GLIS3: variants seen among roughly 807,000 people sequenced by gnomAD.
GLIS3 encodes the protein zinc finger protein GLIS3.
In GLIS3, 53 loss-of-function variants were observed where a neutral mutation model predicts 78.6. The ratio of observed to expected loss-of-function variants is 0.67; its 90% CI spans 0.54 to 0.85. The LOEUF is 0.85. Ranked by LOEUF, GLIS3 falls within the 40% of genes least tolerant of loss-of-function variation. The probability of loss-of-function intolerance (pLI) is 0.00; values close to 1 mark genes in which losing one functional copy is unlikely to be tolerated. For missense variants in GLIS3, 1,703 were observed against 1,231.1 expected (o/e 1.38, Z -5.74); for synonymous variants, 684 against 509.9 (o/e 1.34, Z -4.60).
Position 3,899,618 on chromosome 9 carries a change from T to G in GLIS3, c.1984-783A>C, listed in dbSNP as rs142072114. Among the ~76,000 whole-genome samples, 34 of 152,334 alleles carry G rather than the reference T, an allele frequency of 2.2e-4. No individual in the cohort carries two copies. In the East Asian group the frequency reaches 5.2e-3, roughly 23 times the overall value. On this transcript the variant is annotated intron_variant, in intron 6 of 10. Coordinates refer to ENST00000381971, the MANE Select transcript of GLIS3 (RefSeq NM_001042413.2). ...CCTTAAAAGCAATCTAGAAATGTAT[T>G]TGTTACAAATATTGCAAATGGTAAT...
chr9:4,434,762 C>T, the GLIS3 span, among the ~76,000 whole-genome samples: 1 of 152,132 alleles, frequency 6.6e-6, no homozygotes, highest in African/African-American at 2.4e-5. Flanking sequence ...TTTAACTTTT[C>T]TCACTCCATT....
chr9:4,390,962 C>G, the GLIS3 span, among the ~76,000 whole-genome samples: 1 of 152,190 alleles, frequency 6.6e-6, no homozygotes, highest in African/African-American at 2.4e-5. Flanking sequence ...ACATTGGGGC[C>G]TTTGAGAAAG....
chr9:4,325,080 C>T (rs1817581935), intron 2 of GLIS3, among the ~76,000 whole-genome samples: 1 of 152,146 alleles, frequency 6.6e-6, no homozygotes, highest in African/African-American at 2.4e-5. Context: ...ATAATTTGTC[C>T]AGGCCACACA....
At chr9:3,893,194 C>T (rs1372572602) in intron 7 of GLIS3, among the ~76,000 whole-genome samples, 1 of 152,158 alleles carries the variant, frequency 6.6e-6, no homozygotes, top group Non-Finnish European at 1.5e-5. Context: ...CTACTTGCCT[C>T]TCCTCCTCAA....
intron 2 of GLIS3, among the ~76,000 whole-genome samples, chr9:4,238,824 G>GTTAA (rs780406217): frequency 2.4e-4 from 37 of 152,046 alleles, no homozygotes; most frequent in Non-Finnish European, 5.1e-4. Flanking sequence ...TTTCCCTGGG[G>GTTAA]TTAAGACTTT....
intron 2 of GLIS3, among the ~76,000 whole-genome samples, chr9:4,166,084 T>C (rs1835865880): frequency 6.6e-6 from 1 of 152,218 alleles, no homozygotes; most frequent in South Asian, 2.1e-4. Context: ...AGGCAAAGCA[T>C]GGAACTTCTC....
chr9:4,208,591 C>T (rs1430984353), intron 2 of GLIS3, among the ~76,000 whole-genome samples: 2 of 152,200 alleles, frequency 1.3e-5, no homozygotes, highest in South Asian at 2.1e-4. Context: ...GGGGATTTTA[C>T]AATTTAACCA....
chr9:4,239,424 T>A (rs1183790399), intron 2 of GLIS3, among the ~76,000 whole-genome samples: 1 of 152,156 alleles, frequency 6.6e-6, no homozygotes, highest in Non-Finnish European at 1.5e-5. Flanking sequence ...TGTATTCGTA[T>A]TCCAATGAAC....
intron 2 of GLIS3, among the ~76,000 whole-genome samples, chr9:4,270,628 A>T (rs763051867): frequency 2.1e-4 from 32 of 152,188 alleles, no homozygotes; most frequent in Non-Finnish European, 3.2e-4. Context: ...TTGCTTCATG[A>T]AGCACACAAA....
intron 1 of GLIS3, among the ~76,000 whole-genome samples, chr9:4,294,601 T>C (rs1346160159): frequency 6.6e-6 from 1 of 152,144 alleles, no homozygotes; most frequent in African/African-American, 2.4e-5. Flanking sequence ...ATAAATGTTA[T>C]TTTACTCTAC....
the GLIS3 span, among the ~76,000 whole-genome samples, chr9:4,363,009 G>A: frequency 1.3e-5 from 2 of 152,074 alleles, no homozygotes; most frequent in Non-Finnish European, 2.9e-5. Context: ...GAGAAGAGAG[G>A]AGAGAAGTGA....
intron 4 of GLIS3, among the ~76,000 whole-genome samples, chr9:4,011,773 C>T (rs991112400): frequency 6.6e-6 from 1 of 152,170 alleles, no homozygotes; most frequent in African/African-American, 2.4e-5. Flanking sequence ...ACTTCATTTT[C>T]ATTTGATTCT....
At chr9:4,424,518 A>G in the GLIS3 span, among the ~76,000 whole-genome samples, 1 of 152,134 alleles carries the variant, frequency 6.6e-6, no homozygotes, top group Admixed American at 6.5e-5. Context: ...TGATTATTGC[A>G]ACATTCACTG....
At chr9:4,248,245 C>T (rs1051576631) in intron 2 of GLIS3, among the ~76,000 whole-genome samples, 2 of 150,796 alleles carry the variant, frequency 1.3e-5, no homozygotes, top group African/African-American at 4.9e-5. Context: ...CCCAGCCCCC[C>T]ATCCCCCAAC....
intron 2 of GLIS3, among the ~76,000 whole-genome samples, chr9:4,148,412 C>T (rs1586810326): frequency 1.3e-5 from 2 of 152,124 alleles, no homozygotes; most frequent in African/African-American, 4.8e-5. Flanking sequence ...AGCTCAAATG[C>T]TACCTCCTCC....
chr9:4,314,669 C>T (rs1196730741), intron 2 of GLIS3, among the ~76,000 whole-genome samples: 1 of 152,168 alleles, frequency 6.6e-6, no homozygotes. Context: ...GAAAAGCCAC[C>T]ATGAGAGGTT....
intron 2 of GLIS3, among the ~76,000 whole-genome samples, chr9:4,213,603 G>A (rs1017751747): frequency 2.0e-5 from 3 of 152,068 alleles, no homozygotes; most frequent in African/African-American, 4.8e-5. Context: ...AGCCACATGT[G>A]GCTAGAGACT....
intron 6 of GLIS3, among the ~76,000 whole-genome samples, chr9:3,918,893 A>C (rs1224257788): frequency 1.3e-5 from 2 of 152,216 alleles, no homozygotes; most frequent in Admixed American, 6.5e-5. Context: ...AATGTTCACC[A>C]ACCAACCTTT....
rs1030889929 is a variant in GLIS3, at chr9:4,137,522, C to G, written c.389-11581G>C. ...GTATCATATTCCTTTCTGTACCACT[C>G]AGTGCCCTGGATTCCTGTGCATGGA... On this transcript the variant is annotated intron_variant, in intron 2 of 10. Coordinates refer to ENST00000381971, the MANE Select transcript of GLIS3 (RefSeq NM_001042413.2). Among the ~76,000 whole-genome samples, 4 of 152,198 alleles carry G rather than the reference C, an allele frequency of 2.6e-5. 1 individual carries two copies. The highest frequency in any genetic ancestry group is 2.0e-4 in the Admixed American group (3 of 15,286).
Sources: gnomAD v4.1 joint callset for allele counts (sites outside exome capture counted in the v4.1 genomes callset) on GRCh38, gnomAD v4.1.1 for gene constraint, MANE v1.5 for transcripts, NCBI Gene and HGNC (gene_info 2026-07-23, HGNC 2026-07-21) for gene names.